The following SPAG16 variants were observed in gnomAD, a reference collection of about 807,000 sequenced individuals.
SPAG16 encodes the protein sperm associated antigen 16.
Under a neutral mutation model 80.4 loss-of-function variants are expected in SPAG16, and 86 were observed. The observed-to-expected ratio is 1.07, with a 90% CI of 0.90 to 1.28. The LOEUF is 1.28. Among genes scored for constraint, SPAG16 ranks in the 50% most tolerant of loss-of-function variants. The pLI is 0.00. For synonymous variants in SPAG16, 294 were observed against 265.9 expected (o/e 1.11, Z -1.03); for missense variants, 870 against 765.3 (o/e 1.14, Z -1.61).
At chr2:213,659,055 C>T (rs1440964557) in intron 10 of SPAG16, among the ~76,000 whole-genome samples, 2 of 152,068 alleles carry the variant, frequency 1.3e-5, no homozygotes, top group Non-Finnish European at 2.9e-5. Context: ...AAAAACACAA[C>T]ACTAATAGCC....
chr2:213,890,314 T>G (rs149462175), intron 11 of SPAG16, among the ~76,000 whole-genome samples: 3 of 152,198 alleles, frequency 2.0e-5, no homozygotes, highest in Admixed American at 6.6e-5. Flanking sequence ...AACATATTAG[T>G]AAGTGACATT....
chr2:213,956,015 G>C (rs1037951545), intron 12 of SPAG16, among the ~76,000 whole-genome samples: 1 of 151,634 alleles, frequency 6.6e-6, no homozygotes, highest in African/African-American at 2.4e-5. Context: ...TTGTCTCCCA[G>C]GCAACAATCT....
At chr2:214,378,580 AT>A (rs1027381574) in intron 15 of SPAG16, among the ~76,000 whole-genome samples, 1 of 152,110 alleles carries the variant, frequency 6.6e-6, no homozygotes, top group Non-Finnish European at 1.5e-5. Flanking sequence ...CCTTCTCATA[AT>A]TATCTACCTT....
intron 9 of SPAG16, among the ~76,000 whole-genome samples, chr2:213,460,420 G>A (rs886506621): frequency 1.3e-5 from 2 of 152,096 alleles, no homozygotes; most frequent in Non-Finnish European, 2.9e-5. Context: ...CCCCTTTCTA[G>A]TTGTTTCCCT....
At chr2:213,406,797 CG>C (rs1005970648) in intron 9 of SPAG16, among the ~76,000 whole-genome samples, 71 of 152,134 alleles carry the variant, frequency 4.7e-4, no homozygotes, top group African/African-American at 1.7e-3. Flanking sequence ...GGGTCTCTCC[CG>C]GGATTACATT....
chr2:214,303,928 G>A (rs1011128359), intron 15 of SPAG16, among the ~76,000 whole-genome samples: 10 of 152,072 alleles, frequency 6.6e-5, no homozygotes, highest in African/African-American at 2.2e-4. Flanking sequence ...TATCATGGTG[G>A]TTTGTTTTAC....
At chr2:213,692,299 G>C (rs1391639828) in intron 10 of SPAG16, among the ~76,000 whole-genome samples, 2 of 152,052 alleles carry the variant, frequency 1.3e-5, no homozygotes, top group Non-Finnish European at 2.9e-5. Flanking sequence ...TTTTTTAAGT[G>C]ATTACAGGGT....
rs1246943342 is a variant in SPAG16 at position 213,929,014 on chromosome 2, T to C, written c.1215-946T>C. On this transcript the variant is annotated intron_variant, in intron 11 of 15. Coordinates refer to ENST00000331683, the MANE Select transcript of SPAG16 (RefSeq NM_024532.5). ...TCTTTTCTTTTCTTTTTTTTTTTTT[T>C]TTTTTTTTTTTTTTTTTAAGACTGA... Among the ~76,000 whole-genome samples the C allele has an allele frequency of 6.9e-4, 94 of 135,764 alleles. 2 individuals are homozygous for C. Among genetic ancestry groups the C allele is most frequent in the African/African-American group, 2.3e-3 (83 of 35,846 alleles). 89.1% of individuals were successfully genotyped at this position (135,764 alleles called of 152,430 possible).
At chr2:213,900,153 G>A (rs1427234562) in intron 11 of SPAG16, among the ~76,000 whole-genome samples, 1 of 151,960 alleles carries the variant, frequency 6.6e-6, no homozygotes, top group South Asian at 2.1e-4. Context: ...TGCAGAAATG[G>A]GTACACTGAC....
At chr2:214,093,504 A>G (rs2052365594) in intron 13 of SPAG16, among the ~76,000 whole-genome samples, 1 of 149,498 alleles carries the variant, frequency 6.7e-6, no homozygotes, top group African/African-American at 2.5e-5. Flanking sequence ...ATGTGTATAT[A>G]TGTGTGTGTA....
chr2:214,146,426 G>A (rs1377311225), intron 14 of SPAG16, among the ~76,000 whole-genome samples: 1 of 152,134 alleles, frequency 6.6e-6, no homozygotes, highest in African/African-American at 2.4e-5. Context: ...TTTCTGTCTT[G>A]TAAGTGATTC....
At chr2:213,611,255 G>A (rs2061431295) in intron 10 of SPAG16, among the ~76,000 whole-genome samples, 1 of 152,048 alleles carries the variant, frequency 6.6e-6, no homozygotes, top group Non-Finnish European at 1.5e-5. Flanking sequence ...CCCTTCAGAG[G>A]GCAAAGGGGA....
intron 15 of SPAG16, among the ~76,000 whole-genome samples, chr2:214,159,307 G>A (rs568896879): frequency 2.0e-5 from 3 of 152,030 alleles, no homozygotes; most frequent in African/African-American, 7.2e-5. Context: ...AGATCTAATA[G>A]CATATACTAG....
chr2:213,358,357 A>G (rs1173157474), intron 7 of SPAG16, among the ~76,000 whole-genome samples: 2 of 152,120 alleles, frequency 1.3e-5, no homozygotes, highest in African/African-American at 4.8e-5. Flanking sequence ...AGTGTTTTCT[A>G]ACTTGGTTCC....
chr2:214,308,469 G>C (rs1695076534), intron 15 of SPAG16, among the ~76,000 whole-genome samples: 1 of 152,112 alleles, frequency 6.6e-6, no homozygotes, highest in South Asian at 2.1e-4. Context: ...TTATGTGGTT[G>C]CTTTATAGTG....
chr2:213,993,591 A>T (rs2046380325), intron 12 of SPAG16, among the ~76,000 whole-genome samples: 1 of 152,180 alleles, frequency 6.6e-6, no homozygotes, highest in African/African-American at 2.4e-5. Flanking sequence ...GGGAAGAAAT[A>T]CTGACTCCAT....
At chr2:213,654,318 C>T (rs1462976497) in intron 10 of SPAG16, among the ~76,000 whole-genome samples, 1 of 151,930 alleles carries the variant, frequency 6.6e-6, no homozygotes, top group Non-Finnish European at 1.5e-5. Context: ...TTTCAGGTAA[C>T]TTTCAATTCT....
intron 15 of SPAG16, among the ~76,000 whole-genome samples, chr2:214,179,425 C>A (rs1313791535): frequency 6.6e-6 from 1 of 151,422 alleles, no homozygotes; most frequent in Non-Finnish European, 1.5e-5. Context: ...GTAGTCTTGT[C>A]AGTTTAACTT....
At chr2:213,384,968 T>A (rs1280350102) in intron 9 of SPAG16, among the ~76,000 whole-genome samples, 1 of 152,216 alleles carries the variant, frequency 6.6e-6, no homozygotes, top group Non-Finnish European at 1.5e-5. Context: ...TACGTGCTTC[T>A]GGCTGGCCTC....
Sources: allele counts gnomAD v4.1 joint callset (sites outside exome capture counted in the v4.1 genomes callset), GRCh38; gene constraint gnomAD v4.1.1; transcripts MANE v1.5; gene names NCBI Gene and HGNC (gene_info 2026-07-23, HGNC 2026-07-21).